Variants in IL1RAPL1 observed in about 807,000 individuals in gnomAD.
The protein encoded by IL1RAPL1 is interleukin-1 receptor accessory protein-like 1.
A neutral mutation model predicts 48.4 loss-of-function variants in IL1RAPL1; 3 were observed. The ratio of observed to expected loss-of-function variants is 0.06; its 90% CI spans 0.03 to 0.16. The LOEUF is 0.16. Ranked by LOEUF, IL1RAPL1 falls within the 10% of genes least tolerant of loss-of-function variation. The pLI, the probability that IL1RAPL1 is intolerant of heterozygous loss-of-function variation, is 1.00. For missense variants in IL1RAPL1, 349 were observed against 530.6 expected (o/e 0.66, Z 3.36); for synonymous variants, 185 against 187.7 (o/e 0.99, Z 0.12).
intron 3 of IL1RAPL1, among the ~76,000 whole-genome samples, chrX:29,303,848 A>G (rs975430436): frequency 8.9e-6 from 1 of 112,258 alleles, no homozygotes; most frequent in Non-Finnish European, 1.9e-5. Context: ...TGTACTTCAT[A>G]CTTAATGGAC....
intron 6 of IL1RAPL1, among the ~76,000 whole-genome samples, chrX:29,719,291 A>T (rs1927566850): frequency 8.9e-6 from 1 of 112,078 alleles, no homozygotes; most frequent in Non-Finnish European, 1.9e-5. Flanking sequence ...ACAGTTGTAG[A>T]AGAATCCTTC....
chrX:29,592,505 G>A (rs1366117536), intron 5 of IL1RAPL1, among the ~76,000 whole-genome samples: 2 of 110,698 alleles, frequency 1.8e-5, no homozygotes, highest in African/African-American at 6.6e-5. Context: ...GGAATGAGGT[G>A]GGGTATATAT....
intron 6 of IL1RAPL1, among the ~76,000 whole-genome samples, chrX:29,892,451 CTCAT>C (rs1268369621): frequency 8.9e-6 from 1 of 112,245 alleles, no homozygotes; most frequent in Non-Finnish European, 1.9e-5. Flanking sequence ...TTTAGATGCA[CTCAT>C]TGTTTGCAAA....
chrX:29,465,962 T>G (rs1229103935), intron 5 of IL1RAPL1, among the ~76,000 whole-genome samples: 1 of 112,214 alleles, frequency 8.9e-6, no homozygotes, highest in African/African-American at 3.2e-5. Context: ...TACCACATCA[T>G]TACTATTGGG....
At chrX:29,231,977 GAAC>G (rs375327843) in intron 2 of IL1RAPL1, among the ~76,000 whole-genome samples, 12 of 111,473 alleles carry the variant, frequency 1.1e-4, no homozygotes, top group Non-Finnish European at 1.9e-4. Flanking sequence ...GTTTTCCTTA[GAAC>G]AACAAGATAA....
chrX:29,443,567 C>T (rs752218205), intron 5 of IL1RAPL1, among the ~76,000 whole-genome samples: 2 of 111,509 alleles, frequency 1.8e-5, no homozygotes, highest in South Asian at 3.8e-4. Flanking sequence ...GCTTGTATAT[C>T]GATGCCTTTC....
At chrX:29,056,880 A>G (rs1927227388) in intron 2 of IL1RAPL1, among the ~76,000 whole-genome samples, 1 of 112,355 alleles carries the variant, frequency 8.9e-6, no homozygotes, top group African/African-American at 3.2e-5. Context: ...ATCTGAGCAG[A>G]AACTTTTGGT....
intron 2 of IL1RAPL1, among the ~76,000 whole-genome samples, chrX:28,896,525 T>C (rs1922922471): frequency 9.0e-6 from 1 of 111,036 alleles, no homozygotes; most frequent in African/African-American, 3.3e-5. Context: ...GCCACCTTTT[T>C]AAGAGGAAAT....
chrX:29,120,531 TG>T (rs1196117250), intron 2 of IL1RAPL1, among the ~76,000 whole-genome samples: 1 of 112,025 alleles, frequency 8.9e-6, no homozygotes, highest in Non-Finnish European at 1.9e-5. Flanking sequence ...CATGCTGTTT[TG>T]GTTACTGTAG....
At chrX:29,807,621 C>CAAAAAAAAAAAAA (rs60391165) in intron 6 of IL1RAPL1, among the ~76,000 whole-genome samples, 1 of 26,034 alleles carries the variant, frequency 3.8e-5, no homozygotes, top group African/African-American at 1.2e-4. Context: ...TCTCTCAAGA[C>CAAAAAAAAAAAAA]AAAAAAAAAA....
chrX:29,678,538 G>A (rs1046965867), intron 6 of IL1RAPL1, among the ~76,000 whole-genome samples: 12 of 105,421 alleles, frequency 1.1e-4, no homozygotes, highest in Non-Finnish European at 2.1e-4. Context: ...GTGTGTGTGT[G>A]TGTGTGTTTT....
chrX:29,876,008 C>CTGA (rs200138241), intron 6 of IL1RAPL1, among the ~76,000 whole-genome samples: 1,162 of 111,255 alleles, frequency 0.01, 13 homozygotes, highest in African/African-American at 0.035. Context: ...AATTAAATGA[C>CTGA]TGATATAATG....
intron 5 of IL1RAPL1, among the ~76,000 whole-genome samples, chrX:29,591,354 C>T (rs759868746): frequency 3.6e-5 from 4 of 112,588 alleles, no homozygotes; most frequent in Admixed American, 1.9e-4. Flanking sequence ...AAGACTTCTG[C>T]GATTCAGACA....
intron 2 of IL1RAPL1, among the ~76,000 whole-genome samples, chrX:29,268,355 TAAA>T (rs2147589258): frequency 8.9e-6 from 1 of 111,964 alleles, no homozygotes; most frequent in East Asian, 2.8e-4. Context: ...GTAATGGAAA[TAAA>T]GAAAGAGAAT....
chrX:29,187,446 T>C (rs775982464), intron 2 of IL1RAPL1, among the ~76,000 whole-genome samples: 2 of 111,078 alleles, frequency 1.8e-5, no homozygotes, highest in Non-Finnish European at 3.8e-5. Context: ...ACCCCAATTC[T>C]GAGGGTGTGG....
intron 1 of IL1RAPL1, among the ~76,000 whole-genome samples, chrX:28,676,230 C>T (rs891597912): frequency 9.0e-6 from 1 of 111,115 alleles, no homozygotes; most frequent in Non-Finnish European, 1.9e-5. Flanking sequence ...GATTTTAAAG[C>T]ATCCTTAAAT....
At position 29,057,330 on chromosome X, in the gene IL1RAPL1, T is replaced by C. The variant is rs778460955; in HGVS notation, c.83-225608T>C. 2.7e-5 allele frequency among the ~76,000 whole-genome samples: 3 copies of C among 112,082 alleles called. No homozygotes were observed. The East Asian group carries it at 8.4e-4, about 31-fold the overall frequency. ...AATCTATACTAATGGACCACAAGGG[T>C]AGCAATATAATCTAATGAAGTGGTT... On this transcript the variant is annotated intron_variant, in intron 2 of 10. Transcript: ENST00000378993.
chrX:29,803,349 GTATACA>G (rs1482282404), intron 6 of IL1RAPL1, among the ~76,000 whole-genome samples: 29 of 77,414 alleles, frequency 3.7e-4, no homozygotes, highest in African/African-American at 1.0e-3. Context: ...ATGTATATAT[GTATACA>G]TGTATACACA....
At chrX:29,060,235 G>C (rs181597306) in intron 2 of IL1RAPL1, among the ~76,000 whole-genome samples, 1 of 111,474 alleles carries the variant, frequency 9.0e-6, no homozygotes, top group Non-Finnish European at 1.9e-5. Flanking sequence ...TATTGAAGTA[G>C]GAATACACAC....
Sources: gnomAD v4.1 joint callset for allele counts (sites outside exome capture counted in the v4.1 genomes callset) on GRCh38, gnomAD v4.1.1 for gene constraint, MANE v1.5 for transcripts, NCBI Gene and HGNC (gene_info 2026-07-23, HGNC 2026-07-21) for gene names.